Variants in AKAP6 observed in about 807,000 individuals in gnomAD.
AKAP6 encodes the protein A-kinase anchor protein 6.
Under a neutral mutation model 188.5 loss-of-function variants are expected in AKAP6, and 58 were observed. The observed-to-expected ratio is 0.31, with a 90% CI of 0.25 to 0.38. The LOEUF is 0.38. AKAP6 is among the 10% of genes least tolerant of loss of function. The probability of loss-of-function intolerance (pLI) is 1.00; values close to 1 mark genes in which losing one functional copy is unlikely to be tolerated. For missense variants in AKAP6, 2,710 were observed against 2,740.0 expected, an observed-to-expected ratio of 0.99 and a Z score of 0.24; for synonymous variants, 989 against 998.6, an observed-to-expected ratio of 0.99 and a Z score of 0.18.
At chr14:32,555,748 C>G (rs1260003406) in intron 4 of AKAP6, among the ~76,000 whole-genome samples, 1 of 152,082 alleles carries the variant, frequency 6.6e-6, no homozygotes, top group African/African-American at 2.4e-5. Flanking sequence ...TAAGGTTCAT[C>G]CATGTTGTAG....
chr14:32,615,970 T>C (rs1009224296), intron 7 of AKAP6, among the ~76,000 whole-genome samples: 1 of 152,328 alleles, frequency 6.6e-6, no homozygotes, highest in Admixed American at 6.5e-5. Flanking sequence ...ATTAAAATTA[T>C]TCTCATCAAT....
At chr14:32,487,490 C>T (rs1260475226) in intron 2 of AKAP6, among the ~76,000 whole-genome samples, 1 of 152,220 alleles carries the variant, frequency 6.6e-6, no homozygotes, top group Non-Finnish European at 1.5e-5. Context: ...TTAGAACCTG[C>T]TCCTTTAGCT....
intron 8 of AKAP6, among the ~76,000 whole-genome samples, chr14:32,684,500 A>T (rs893611280): frequency 6.6e-6 from 1 of 152,206 alleles, no homozygotes; most frequent in African/African-American, 2.4e-5. Flanking sequence ...ATAAGATTGC[A>T]TTGAGTCTGC....
chr14:32,556,017 T>A (rs1241110262), intron 4 of AKAP6, among the ~76,000 whole-genome samples: 3 of 151,654 alleles, frequency 2.0e-5, no homozygotes, highest in African/African-American at 7.3e-5. Context: ...TTTTGAGGAA[T>A]CTCCATGCTA....
chr14:32,458,723 T>C (rs1369033224), intron 2 of AKAP6, among the ~76,000 whole-genome samples: 1 of 151,536 alleles, frequency 6.6e-6, no homozygotes, highest in South Asian at 2.1e-4. Context: ...ATTGAGAAAA[T>C]GATAGAAGCT....
chr14:32,520,159 A>G (rs1277199339), intron 2 of AKAP6, among the ~76,000 whole-genome samples: 2 of 152,312 alleles, frequency 1.3e-5, no homozygotes, highest in South Asian at 2.1e-4. Flanking sequence ...AAGAACAAAG[A>G]CACAACATAC....
At chr14:32,704,297 A>G (rs1890725755) in intron 9 of AKAP6, among the ~76,000 whole-genome samples, 1 of 152,178 alleles carries the variant, frequency 6.6e-6, no homozygotes, top group Non-Finnish European at 1.5e-5. Flanking sequence ...TTTTTTGAAA[A>G]ATGACTTTTA....
chr14:32,805,118 G>A (rs946209362), intron 12 of AKAP6, among the ~76,000 whole-genome samples: 3 of 152,176 alleles, frequency 2.0e-5, no homozygotes, highest in Non-Finnish European at 2.9e-5. Context: ...GAAGATAACA[G>A]GATTAAGAGA....
intron 12 of AKAP6, among the ~76,000 whole-genome samples, chr14:32,818,943 G>T (rs1363891450): frequency 6.6e-6 from 1 of 152,180 alleles, no homozygotes; most frequent in Non-Finnish European, 1.5e-5. Context: ...TGTCAGCCAA[G>T]ATAGTATTTG....
intron 12 of AKAP6, among the ~76,000 whole-genome samples, chr14:32,802,967 G>A (rs1031563423): frequency 3.3e-5 from 5 of 151,788 alleles, no homozygotes; most frequent in Non-Finnish European, 7.4e-5. Flanking sequence ...GCGTGGTTGT[G>A]TATGCCTGTA....
intron 1 of AKAP6, among the ~76,000 whole-genome samples, chr14:32,367,531 G>C (rs561509900): frequency 1.0e-3 from 154 of 152,220 alleles, no homozygotes; most frequent in Non-Finnish European, 1.5e-3. Flanking sequence ...ATTATCAAAA[G>C]TTGACTACTG....
chr14:32,352,078 T>TGC (rs1887292888), intron 1 of AKAP6, among the ~76,000 whole-genome samples: 2 of 107,542 alleles, frequency 1.9e-5, no homozygotes, highest in Non-Finnish European at 3.5e-5. Flanking sequence ...ACCCTGTGTG[T>TGC]GTGTGTGTGT....
At chr14:32,639,539 A>G (rs573479946) in intron 7 of AKAP6, among the ~76,000 whole-genome samples, 2 of 152,294 alleles carry the variant, frequency 1.3e-5, no homozygotes, top group Admixed American at 6.5e-5. Context: ...AATCACACCA[A>G]GCTTTTGTGG....
At chr14:32,785,615 TGGGGA>T in intron 12 of AKAP6, among the ~76,000 whole-genome samples, 1 of 152,144 alleles carries the variant, frequency 6.6e-6, no homozygotes, top group Admixed American at 6.6e-5. Context: ...GAAGCTTAGT[TGGGGA>T]AGTACTTGCA....
In AKAP6 at chr14:32,429,298, C is replaced by G. The variant is rs951477542; in HGVS notation, c.-34-4162C>G. On this transcript the variant is annotated intron_variant, in intron 1 of 13. Transcript: ENST00000280979. ...CTTATATTATTTACAGATATAGACT[C>G]ATGCTCAATTTCCTGCTTTCTGTTT... Among the ~76,000 whole-genome samples, 6 of 152,302 alleles carry G rather than the reference C, an allele frequency of 3.9e-5. 1 individual carries two copies.
At chr14:32,827,954 G>C (rs933991970) in intron 13 of AKAP6, among the ~76,000 whole-genome samples, 2 of 152,076 alleles carry the variant, frequency 1.3e-5, no homozygotes, top group African/African-American at 4.8e-5. Flanking sequence ...TTGGGGTTTT[G>C]TTTTACTATG....
chr14:32,467,201 A>C, intron 2 of AKAP6, among the ~76,000 whole-genome samples: 1 of 145,386 alleles, frequency 6.9e-6, no homozygotes, highest in Non-Finnish European at 1.5e-5. Flanking sequence ...ACCTAAAATA[A>C]AAGTTGGAAG....
At chr14:32,360,079 T>C (rs181142486) in intron 1 of AKAP6, among the ~76,000 whole-genome samples, 90 of 152,278 alleles carry the variant, frequency 5.9e-4, no homozygotes, top group Admixed American at 3.9e-3. Context: ...TAGTCATTAG[T>C]AAATCTGGCG....
At chr14:32,699,244 A>G (rs1890530730) in intron 9 of AKAP6, among the ~76,000 whole-genome samples, 2 of 152,174 alleles carry the variant, frequency 1.3e-5, no homozygotes, top group Non-Finnish European at 2.9e-5. Context: ...GAAACTACAG[A>G]TTGTATGAAA....
Sources: gnomAD v4.1 joint callset for allele counts (sites outside exome capture counted in the v4.1 genomes callset) on GRCh38, gnomAD v4.1.1 for gene constraint, MANE v1.5 for transcripts, NCBI Gene and HGNC (gene_info 2026-07-23, HGNC 2026-07-21) for gene names.